DLGAP1: variants seen among roughly 807,000 people sequenced by gnomAD.
DLGAP1 encodes disks large-associated protein 1.
DLGAP1 carries 11 observed loss-of-function variants against 90.8 expected under a neutral mutation model. That is an observed-to-expected ratio of 0.12 (90% CI 0.08 to 0.20). The LOEUF (loss-of-function observed/expected upper bound fraction) is 0.20. Ranked by LOEUF, DLGAP1 falls within the 10% of genes least tolerant of loss-of-function variation. The pLI is 1.00. For missense variants in DLGAP1, 1,050 were observed against 1,333.8 expected (o/e 0.79, Z 3.31); for synonymous variants, 558 against 540.7 (o/e 1.03, Z -0.44).
intron 1 of DLGAP1, among the ~76,000 whole-genome samples, chr18:4,151,596 G>C (rs574689544): frequency 6.6e-6 from 1 of 152,124 alleles, no homozygotes; most frequent in Non-Finnish European, 1.5e-5. Context: ...AAGCATCAAT[G>C]ATCCAATTCT....
chr18:4,387,792 A>G (rs559911048), intron 1 of DLGAP1, among the ~76,000 whole-genome samples: 1 of 152,222 alleles, frequency 6.6e-6, no homozygotes, highest in South Asian at 2.1e-4. Flanking sequence ...TTAGTCGGGC[A>G]TGGTGGTGTG....
intron 3 of DLGAP1, among the ~76,000 whole-genome samples, chr18:3,976,725 A>C (rs1400616061): frequency 6.6e-6 from 1 of 152,212 alleles, no homozygotes; most frequent in Non-Finnish European, 1.5e-5. Flanking sequence ...CTGTAATGAA[A>C]TCATGGAGTT....
chr18:3,790,496 C>A (rs1387783133), intron 5 of DLGAP1, among the ~76,000 whole-genome samples: 1 of 151,956 alleles, frequency 6.6e-6, no homozygotes, highest in Non-Finnish European at 1.5e-5. Context: ...CTCAAAATCC[C>A]GGGCTCAAGT....
At chr18:3,646,007 G>C (rs550896492) in intron 7 of DLGAP1, among the ~76,000 whole-genome samples, 2 of 152,128 alleles carry the variant, frequency 1.3e-5, no homozygotes, top group African/African-American at 2.4e-5. Flanking sequence ...TATGAGACTG[G>C]TATGCCCTAA....
chr18:3,702,568 T>C (rs374169569), intron 7 of DLGAP1, among the ~76,000 whole-genome samples: 1 of 152,166 alleles, frequency 6.6e-6, no homozygotes, highest in African/African-American at 2.4e-5. Context: ...TCCTAGACCC[T>C]TCCCTGGGTT....
At chr18:3,600,767 TATATATAG>T (rs1568277908) in intron 7 of DLGAP1, among the ~76,000 whole-genome samples, 4 of 35,286 alleles carry the variant, frequency 1.1e-4, no homozygotes, top group East Asian at 8.1e-4. Flanking sequence ...GATATATAGA[TATATATAG>T]ATATATAGAT....
At chr18:3,851,772 C>T (rs1341243642) in intron 4 of DLGAP1, among the ~76,000 whole-genome samples, 1 of 151,998 alleles carries the variant, frequency 6.6e-6, no homozygotes, top group Non-Finnish European at 1.5e-5. Flanking sequence ...AGATTAAAAG[C>T]ATAACCCAAC....
chr18:3,808,656 A>G (rs2066681676), intron 5 of DLGAP1, among the ~76,000 whole-genome samples: 1 of 152,130 alleles, frequency 6.6e-6, no homozygotes, highest in Non-Finnish European at 1.5e-5. Context: ...ATCTTTGGGG[A>G]AAAAATAGCG....
chr18:3,520,563 T>C (rs547906410), intron 10 of DLGAP1, among the ~76,000 whole-genome samples: 3 of 152,234 alleles, frequency 2.0e-5, no homozygotes, highest in African/African-American at 7.2e-5. Context: ...CTGATGTCCT[T>C]ATAAGAACTG....
chr18:4,442,025 T>C (rs2083547771), intron 1 of DLGAP1, among the ~76,000 whole-genome samples: 1 of 152,206 alleles, frequency 6.6e-6, no homozygotes, highest in Non-Finnish European at 1.5e-5. Context: ...AGAATCTCAC[T>C]CTGTCGCCCA....
intron 10 of DLGAP1, among the ~76,000 whole-genome samples, chr18:3,511,806 C>A (rs550806386): frequency 4.6e-5 from 7 of 152,306 alleles, no homozygotes; most frequent in African/African-American, 1.7e-4. Context: ...GTTCTCCACT[C>A]CTATCCCATT....
In DLGAP1 at chr18:3,879,567, C is replaced by T. The variant is rs751120410; in HGVS notation, c.502G>A (p.Ala168Thr). ...PSKGSVNGGK[A>T]SPDEAQAARY... Reference sequence around the variant, plus strand: ...GCCGCCTGCGCCTCGTCAGGGCTGGCCTTGCCCCCGTTGACGCTGCCCTTG... The same window carrying T: ...GCCGCCTGCGCCTCGTCAGGGCTGGTCTTGCCCCCGTTGACGCTGCCCTTG... The change falls in exon 4 of 13, where the codon GCC becomes ACC. Residue 168 changes from alanine (A) to threonine (T), a missense_variant. Physicochemically the swap from Ala to Thr is moderately conservative, Grantham distance 58. This residue lies in a region of DLGAP1 where 485 missense variants were observed against 454.1 expected (regional missense o/e 1.07). Coordinates refer to ENST00000315677, the MANE Select transcript of DLGAP1 (RefSeq NM_004746.4). The surrounding 1 kb of genome is among the most constrained non-coding windows in gnomAD (Gnocchi z 6.6). 1 of 1,599,064 alleles carries T rather than the reference C, an allele frequency of 6.3e-7. No individual in the cohort carries two copies. Among genetic ancestry groups the T allele is most frequent in the South Asian group, 1.1e-5 (1 of 90,314 alleles).
At chr18:4,071,059 CT>C (rs987580907) in intron 2 of DLGAP1, among the ~76,000 whole-genome samples, 6 of 152,060 alleles carry the variant, frequency 3.9e-5, no homozygotes, top group Non-Finnish European at 7.4e-5. Context: ...CAGAGATAAT[CT>C]AAGCAAATGT....
intron 4 of DLGAP1, among the ~76,000 whole-genome samples, chr18:3,849,447 A>G (rs768074062): frequency 1.3e-5 from 2 of 152,162 alleles, no homozygotes; most frequent in Non-Finnish European, 2.9e-5. Flanking sequence ...AAACACTTTG[A>G]GATCAAGGAC....
intron 3 of DLGAP1, among the ~76,000 whole-genome samples, chr18:3,999,179 T>A (rs2074130060): frequency 6.6e-6 from 1 of 152,090 alleles, no homozygotes; most frequent in African/African-American, 2.4e-5. Context: ...ATAATTTGTA[T>A]ACAAATTATA....
rs2082273804 is a variant in DLGAP1 at position 4,388,191 on chromosome 18, A to C, written c.-267+66815T>G. Among the ~76,000 whole-genome samples the C allele has an allele frequency of 2.0e-5, 3 of 152,072 alleles. No individual in the cohort carries two copies. The South Asian group carries it at 6.2e-4, about 31-fold the overall frequency. ...TGAATTAGGGTAAGGGCAATGCTAA[A>C]GAGTGTTAAGAAATGCAGCAGACAG... On this transcript the variant is annotated intron_variant, in intron 1 of 12. Transcript: ENST00000315677.
chr18:3,585,764 C>T (rs1341371780), intron 7 of DLGAP1, among the ~76,000 whole-genome samples: 5 of 152,100 alleles, frequency 3.3e-5, no homozygotes, highest in African/African-American at 1.2e-4. Context: ...GGCAAGATAA[C>T]GAGATCCCAT....
intron 1 of DLGAP1, among the ~76,000 whole-genome samples, chr18:4,343,790 A>G (rs909505994): frequency 1.3e-5 from 2 of 152,170 alleles, no homozygotes; most frequent in Non-Finnish European, 2.9e-5. Flanking sequence ...CCAGAACTTA[A>G]AGTATAATAA....
rs1367477824 is a variant in DLGAP1, at chr18:4,012,372, CT to C, written c.-158-7172del. On this transcript the variant is annotated intron_variant, in intron 2 of 12. Transcript: ENST00000315677. Reference sequence around the variant, plus strand: ...ACCTTTGCCCACCTGCCATCCCCCCCTCTGCCACTTCCACACAAAGATTCCC... The same window carrying C: ...ACCTTTGCCCACCTGCCATCCCCCCCCTGCCACTTCCACACAAAGATTCCC... Among the ~76,000 whole-genome samples the C allele has an allele frequency of 1.8e-4, 28 of 152,320 alleles. 1 individual carries two copies. The highest frequency in any genetic ancestry group is 6.5e-4 in the Admixed American group (10 of 15,310).
Sources: gnomAD v4.1 joint callset for allele counts (sites outside exome capture counted in the v4.1 genomes callset) on GRCh38, gnomAD v4.1.1 for gene constraint, gnomAD v4.1.1 regional missense constraint, Gnocchi (gnomAD v3.1) non-coding constraint, MANE v1.5 for transcripts, NCBI Gene and HGNC (gene_info 2026-07-23, HGNC 2026-07-21) for gene names.